CDH12: variants seen among roughly 807,000 people sequenced by gnomAD.
CDH12 encodes the protein cadherin-12.
In CDH12, 41 loss-of-function variants were observed where a neutral mutation model predicts 74.1. The ratio of observed to expected loss-of-function variants is 0.55; its 90% CI spans 0.43 to 0.72. The LOEUF is 0.72. CDH12 is among the 30% of genes least tolerant of loss of function. The pLI, the probability that CDH12 is intolerant of heterozygous loss-of-function variation, is 0.00. For synonymous variants in CDH12, 399 were observed against 355.0 expected (o/e 1.12, Z -1.39); for missense variants, 945 against 977.2 (o/e 0.97, Z 0.44).
chr5:22,824,866 GTGTCCAAAATTTATATATATATGTT>G (rs1488993084), intron 1 of CDH12, among the ~76,000 whole-genome samples: 4 of 151,606 alleles, frequency 2.6e-5, no homozygotes, highest in Non-Finnish European at 5.9e-5. Context: ...ATATATATGT[GTGTCCAAAATTTATATATATATGTT>G]TGTCCAAAAT....
Position 22,037,032 on chromosome 5 carries a change from C to T in CDH12, c.231+41414G>A, listed in dbSNP as rs116385802. Among the ~76,000 whole-genome samples, 604 of 152,050 alleles carry T rather than the reference C, an allele frequency of 4.0e-3. 9 individuals carry two copies. Among genetic ancestry groups the T allele is most frequent in the African/African-American group, 0.014 (569 of 41,492 alleles). ...TTGAAAATGGAGAGAACTGAGAGTA[C>T]AAGGAGAAGAAACAAAATTTTTAAA... On this transcript the variant is annotated intron_variant, in intron 5 of 14. Coordinates refer to ENST00000382254, the MANE Select transcript of CDH12 (RefSeq NM_004061.5).
chr5:22,057,196 C>T (rs1026050476), intron 5 of CDH12, among the ~76,000 whole-genome samples: 3 of 152,092 alleles, frequency 2.0e-5, no homozygotes, highest in African/African-American at 7.2e-5. Flanking sequence ...AATATTGAAA[C>T]AAATAAGCAT....
chr5:22,505,400 T>C (rs1736340577), intron 1 of CDH12, 36 bp from the exon 2 acceptor site: 1 of 656,228 alleles, frequency 1.5e-6, no homozygotes, highest in African/African-American at 2.0e-5. Context: ...GAATGTTAAC[T>C]ATCTTTTCTA....
Position 21,967,556 on chromosome 5 carries a change from T to C in CDH12, c.526+7535A>G, listed in dbSNP as rs560544987. Among the ~76,000 whole-genome samples the C allele has an allele frequency of 6.9e-3, 1,053 of 152,132 alleles. 8 individuals are homozygous for C. Among genetic ancestry groups the C allele is most frequent in the Non-Finnish European group, 0.011 (736 of 67,984 alleles). On this transcript the variant is annotated intron_variant, in intron 6 of 14. Transcript: ENST00000382254. ...TTTAATGCTTAGAGTCATTTGGTGG[T>C]TTCGAAAAAAAAGAAACTTCTTGTT...
intron 6 of CDH12, among the ~76,000 whole-genome samples, chr5:21,912,358 C>T (rs754245134): frequency 5.9e-5 from 9 of 151,566 alleles, no homozygotes; most frequent in Admixed American, 3.9e-4. Flanking sequence ...TCTTACCCAT[C>T]GCCTTTACAT....
chr5:22,001,656 G>A (rs1399746086), intron 5 of CDH12, among the ~76,000 whole-genome samples: 4 of 151,894 alleles, frequency 2.6e-5, no homozygotes, highest in East Asian at 1.9e-4. Flanking sequence ...CTGCCCTCGA[G>A]TAGGCCCTGC....
intron 1 of CDH12, among the ~76,000 whole-genome samples, chr5:22,795,470 A>C (rs925277806): frequency 6.6e-6 from 1 of 151,878 alleles, no homozygotes; most frequent in Non-Finnish European, 1.5e-5. Flanking sequence ...TATCTAATTG[A>C]GCTTTCAGAG....
intron 5 of CDH12, among the ~76,000 whole-genome samples, chr5:22,030,740 G>A (rs1465100175): frequency 6.6e-6 from 1 of 152,182 alleles, no homozygotes; most frequent in African/African-American, 2.4e-5. Context: ...AGCTATGAAA[G>A]TCCAAGATAG....
intron 2 of CDH12, among the ~76,000 whole-genome samples, chr5:22,420,697 A>C (rs1366277450): frequency 1.3e-5 from 2 of 152,126 alleles, no homozygotes. Flanking sequence ...TAAACTATTA[A>C]TTTTAAAGTA....
chr5:22,150,028 T>C (rs1747464115), intron 4 of CDH12, among the ~76,000 whole-genome samples: 1 of 152,062 alleles, frequency 6.6e-6, no homozygotes, highest in African/African-American at 2.4e-5. Flanking sequence ...ATTTCGCTCA[T>C]AAATTAATTG....
intron 5 of CDH12, among the ~76,000 whole-genome samples, chr5:22,028,803 A>C (rs1443544512): frequency 6.6e-6 from 1 of 152,202 alleles, no homozygotes; most frequent in Non-Finnish European, 1.5e-5. Context: ...CGCATCATCA[A>C]GACAAACCTA....
intron 2 of CDH12, among the ~76,000 whole-genome samples, chr5:22,445,756 T>G (rs1744792815): frequency 6.6e-6 from 1 of 152,114 alleles, no homozygotes; most frequent in African/African-American, 2.4e-5. Context: ...CAGGGCACCC[T>G]GTGGGCATAC....
At chr5:22,378,551 G>T (rs754522830) in intron 3 of CDH12, among the ~76,000 whole-genome samples, 1 of 151,912 alleles carries the variant, frequency 6.6e-6, no homozygotes, top group African/African-American at 2.4e-5. Context: ...ATGAATTAGG[G>T]TGTAAATCTC....
At chr5:22,475,780 T>G (rs1746140485) in intron 2 of CDH12, among the ~76,000 whole-genome samples, 3 of 152,082 alleles carry the variant, frequency 2.0e-5, no homozygotes, top group Non-Finnish European at 1.5e-5. Flanking sequence ...AACTTTAATC[T>G]TTCCCAAGAA....
intron 3 of CDH12, among the ~76,000 whole-genome samples, chr5:22,367,350 C>G (rs114258157): frequency 0.016 from 2,401 of 152,276 alleles, 45 homozygotes; most frequent in Non-Finnish European, 0.023. Flanking sequence ...AGAAGAGAAG[C>G]TGGGTCTTAG....
intron 5 of CDH12, among the ~76,000 whole-genome samples, chr5:22,045,024 C>CTGTTCACCTGACAAAGTGCTGTTCAGCTT (rs1158558838): frequency 6.6e-6 from 1 of 152,164 alleles, no homozygotes; most frequent in Non-Finnish European, 1.5e-5. Flanking sequence ...TATTTGTGAA[C>CTGTTCACCTGACAAAGTGCTGTTCAGCTT]TGTTCACCTG....
At chr5:22,475,769 T>C (rs1746140048) in intron 2 of CDH12, among the ~76,000 whole-genome samples, 2 of 152,044 alleles carry the variant, frequency 1.3e-5, no homozygotes, top group Admixed American at 1.3e-4. Flanking sequence ...AAGAAATCAG[T>C]AACTTTAATC....
intron 7 of CDH12, among the ~76,000 whole-genome samples, chr5:21,851,233 A>C (rs1048985538): frequency 1.3e-5 from 2 of 151,202 alleles, no homozygotes; most frequent in Non-Finnish European, 3.0e-5. Flanking sequence ...TCATTTAGGG[A>C]AAATTTAAAT....
intron 6 of CDH12, among the ~76,000 whole-genome samples, chr5:21,958,286 A>T (rs1756191778): frequency 6.6e-6 from 1 of 152,080 alleles, no homozygotes; most frequent in Admixed American, 6.6e-5. Context: ...TAGCAGTGTG[A>T]AAATGGACTA....
Sources: allele counts gnomAD v4.1 joint callset (sites outside exome capture counted in the v4.1 genomes callset), GRCh38; gene constraint gnomAD v4.1.1; transcripts MANE v1.5; gene names NCBI Gene and HGNC (gene_info 2026-07-23, HGNC 2026-07-21).